The following CAMK1D variants were observed in gnomAD, a reference collection of about 807,000 sequenced individuals.
CAMK1D encodes calcium/calmodulin dependent protein kinase ID, also known as calcium/calmodulin-dependent protein kinase type 1D.
Under a neutral mutation model 47.7 loss-of-function variants are expected in CAMK1D, and 9 were observed. That is an observed-to-expected ratio of 0.19 (90% CI 0.11 to 0.33). The LOEUF is 0.33. Ranked by LOEUF, CAMK1D falls within the 10% of genes least tolerant of loss-of-function variation. The probability of loss-of-function intolerance (pLI) is 1.00; values close to 1 mark genes in which losing one functional copy is unlikely to be tolerated. For synonymous variants in CAMK1D, 184 were observed against 184.9 expected (o/e 0.99, Z 0.04); for missense variants, 291 against 488.7 (o/e 0.60, Z 3.81).
At chr10:12,592,484 C>T (rs1163494247) in intron 2 of CAMK1D, among the ~76,000 whole-genome samples, 1 of 152,124 alleles carries the variant, frequency 6.6e-6, no homozygotes, top group East Asian at 1.9e-4. Context: ...AATGACATGG[C>T]CAGCGTGGTA....
rs193290498 is a variant in CAMK1D at position 12,380,506 on chromosome 10, C to T, written c.92+30596C>T. ...CTTCAGTTTTTCATGTGATTATTGC[C>T]CGGAAAAAAGGGAAGGATTTTTCTT... is the stretch of plus-strand genomic sequence containing the variant. On this transcript the variant is annotated intron_variant, in intron 1 of 10. Coordinates refer to ENST00000619168, the MANE Select transcript of CAMK1D (RefSeq NM_153498.4). 6.3e-4 allele frequency among the ~76,000 whole-genome samples: 96 copies of T among 152,114 alleles called. 1 individual carries two copies. The highest frequency in any genetic ancestry group is 3.9e-3 in the Admixed American group (60 of 15,280).
chr10:12,602,924 T>TATTATTATTATTA (rs1554795394), intron 2 of CAMK1D, among the ~76,000 whole-genome samples: 4 of 149,430 alleles, frequency 2.7e-5, no homozygotes, highest in Non-Finnish European at 3.0e-5. Context: ...TTATTATTAT[T>TATTATTATTATTA]TTGAGACAGA....
At chr10:12,663,376 A>G (rs1378832803) in intron 2 of CAMK1D, among the ~76,000 whole-genome samples, 5 of 152,200 alleles carry the variant, frequency 3.3e-5, no homozygotes, top group Non-Finnish European at 7.3e-5. Context: ...AATGAGAAGA[A>G]TATAAACCGT....
At chr10:12,516,048 T>G (rs531041609) in intron 1 of CAMK1D, among the ~76,000 whole-genome samples, 7 of 152,186 alleles carry the variant, frequency 4.6e-5, no homozygotes, top group African/African-American at 1.7e-4. Flanking sequence ...GGTAAGCCAT[T>G]GTATGGTGGT....
chr10:12,413,742 A>G (rs375504406), intron 1 of CAMK1D, among the ~76,000 whole-genome samples: 3 of 152,122 alleles, frequency 2.0e-5, no homozygotes, highest in Non-Finnish European at 2.9e-5. Context: ...TTGTCATGCC[A>G]TATATTTCAG....
chr10:12,807,831 A>G (rs1838805646), intron 6 of CAMK1D, among the ~76,000 whole-genome samples: 1 of 152,136 alleles, frequency 6.6e-6, no homozygotes, highest in East Asian at 1.9e-4. Flanking sequence ...CTCTGGCTGC[A>G]GCAAGTTGGC....
intron 1 of CAMK1D, among the ~76,000 whole-genome samples, chr10:12,530,409 G>A (rs1187580938): frequency 1.3e-5 from 2 of 152,188 alleles, no homozygotes; most frequent in Non-Finnish European, 1.5e-5. Flanking sequence ...TTCCTTTTCT[G>A]GGAAATGAGG....
intron 2 of CAMK1D, among the ~76,000 whole-genome samples, chr10:12,572,700 C>G (rs1316379538): frequency 6.6e-6 from 1 of 152,138 alleles, no homozygotes; most frequent in Non-Finnish European, 1.5e-5. Flanking sequence ...GGCGAGATCA[C>G]AGCTCATTGT....
chr10:12,807,089 C>T (rs993377777), intron 6 of CAMK1D, among the ~76,000 whole-genome samples: 9 of 152,106 alleles, frequency 5.9e-5, no homozygotes, highest in Admixed American at 3.3e-4. Context: ...TGGCTGTATT[C>T]CAGCACCCCC....
At chr10:12,742,525 C>G (rs1314243870) in intron 3 of CAMK1D, among the ~76,000 whole-genome samples, 1 of 152,218 alleles carries the variant, frequency 6.6e-6, no homozygotes, top group Non-Finnish European at 1.5e-5. Context: ...CAACCATCAC[C>G]TGAATCCAGT....
chr10:12,543,826 C>A (rs765036887), intron 1 of CAMK1D, among the ~76,000 whole-genome samples: 24 of 152,144 alleles, frequency 1.6e-4, no homozygotes, highest in Non-Finnish European at 3.4e-4. Context: ...TGAGAGAGGA[C>A]TGGGTATACA....
intron 3 of CAMK1D, among the ~76,000 whole-genome samples, chr10:12,681,733 A>G (rs1049812576): frequency 1.3e-5 from 2 of 152,250 alleles, no homozygotes; most frequent in Admixed American, 1.3e-4. Flanking sequence ...TTGTCAACAA[A>G]TACCCCATAT....
At chr10:12,685,147 G>A (rs1334823950) in intron 3 of CAMK1D, among the ~76,000 whole-genome samples, 1 of 152,038 alleles carries the variant, frequency 6.6e-6, no homozygotes, top group African/African-American at 2.4e-5. Flanking sequence ...CTAAAAATAC[G>A]AAAATTAGCC....
chr10:12,666,694 C>A, intron 2 of CAMK1D, 42 bp from the exon 3 acceptor site: 1 of 1,472,346 alleles, frequency 6.8e-7, no homozygotes, highest in Non-Finnish European at 9.5e-7. Context: ...ATTTTCCTAT[C>A]TAATCATACT....
intron 3 of CAMK1D, among the ~76,000 whole-genome samples, chr10:12,712,710 G>C (rs772160481): frequency 1.2e-4 from 19 of 152,146 alleles, no homozygotes; most frequent in Non-Finnish European, 2.2e-4. Flanking sequence ...TCATACTGGG[G>C]GTTAGGGTTT....
At chr10:12,541,874 CCTTCCTTCCTT>C (rs1254895600) in intron 1 of CAMK1D, among the ~76,000 whole-genome samples, 1 of 144,778 alleles carries the variant, frequency 6.9e-6, no homozygotes, top group Admixed American at 6.9e-5. Context: ...TTCCTTCCTT[CCTTCCTTCCTT>C]CCTTTTTTTT....
intron 2 of CAMK1D, among the ~76,000 whole-genome samples, chr10:12,588,237 G>T (rs1264139745): frequency 1.3e-5 from 2 of 152,120 alleles, no homozygotes; most frequent in Non-Finnish European, 2.9e-5. Flanking sequence ...AATAGTGGTT[G>T]GGTGGGGAGA....
At chr10:12,749,554 G>T (rs11815711) in intron 3 of CAMK1D, among the ~76,000 whole-genome samples, 25 of 90,040 alleles carry the variant, frequency 2.8e-4, no homozygotes, top group East Asian at 8.3e-4. Flanking sequence ...TTTGTTTTTT[G>T]TTTGTTTGTT....
chr10:12,353,646 T>C (rs1173455115), intron 1 of CAMK1D, among the ~76,000 whole-genome samples: 1 of 152,184 alleles, frequency 6.6e-6, no homozygotes, highest in Non-Finnish European at 1.5e-5. Context: ...GGTTGTCTGA[T>C]GCACCTCTGA....
Sources: allele counts gnomAD v4.1 joint callset (sites outside exome capture counted in the v4.1 genomes callset), GRCh38; gene constraint gnomAD v4.1.1; transcripts MANE v1.5; gene names NCBI Gene and HGNC (gene_info 2026-07-23, HGNC 2026-07-21).